The following ZCCHC17 variants were observed in gnomAD, a reference collection of about 807,000 sequenced individuals.
ZCCHC17 encodes zinc finger CCHC-type containing 17, also known as zinc finger CCHC domain-containing protein 17.
In ZCCHC17, 18 loss-of-function variants were observed where a neutral mutation model predicts 30.6. The observed-to-expected ratio is 0.59, with a 90% CI of 0.41 to 0.87. The LOEUF (loss-of-function observed/expected upper bound fraction) is 0.87, where lower values mean the gene tolerates loss of function less well. Ranked by LOEUF, ZCCHC17 falls within the 40% of genes least tolerant of loss-of-function variation. The probability of loss-of-function intolerance (pLI) is 0.00; values close to 1 mark genes in which losing one functional copy is unlikely to be tolerated. For missense variants in ZCCHC17, 263 were observed against 284.2 expected (o/e 0.93, Z 0.54); for synonymous variants, 88 against 92.4 (o/e 0.95, Z 0.27).
intron 1 of ZCCHC17, among the ~76,000 whole-genome samples, chr1:31,301,616 C>A (rs534522880): frequency 1.3e-5 from 2 of 151,806 alleles, no homozygotes; most frequent in Non-Finnish European, 2.9e-5. Flanking sequence ...AGTGTAGTGT[C>A]GAGTGGTAGA....
chr1:31,313,367 T>C (rs1646653271), intron 2 of ZCCHC17, among the ~76,000 whole-genome samples: 1 of 152,186 alleles, frequency 6.6e-6, no homozygotes, highest in Non-Finnish European at 1.5e-5. Flanking sequence ...CCATCGCACC[T>C]GGCCTGAGCC....
chr1:31,332,555 A>C (rs1638634091), intron 3 of ZCCHC17, among the ~76,000 whole-genome samples: 1 of 152,104 alleles, frequency 6.6e-6, no homozygotes, highest in South Asian at 2.1e-4. Flanking sequence ...ATGCATGCTC[A>C]TCATAGAAAA....
chr1:31,359,410 A>G (rs1156950575), intron 7 of ZCCHC17, among the ~76,000 whole-genome samples: 3 of 152,126 alleles, frequency 2.0e-5, no homozygotes, highest in African/African-American at 2.4e-5. Flanking sequence ...AGTCCCAGCT[A>G]CTTGGGACTA....
At chr1:31,309,902 A>C (rs1646557194) in intron 1 of ZCCHC17, 142 bp from the exon 2 acceptor site, 1 of 442,020 alleles carries the variant, frequency 2.3e-6, no homozygotes, top group Non-Finnish European at 3.9e-6. Context: ...CCACAATTAG[A>C]ATAAACAAAA....
At chr1:31,328,077 G>A (rs1638429025) in intron 3 of ZCCHC17, among the ~76,000 whole-genome samples, 1 of 152,202 alleles carries the variant, frequency 6.6e-6, no homozygotes, top group South Asian at 2.1e-4. Flanking sequence ...TTCTGTGTGT[G>A]AAATTGTGAA....
chr1:31,346,568 AC>A, intron 5 of ZCCHC17, 71 bp from the exon 6 acceptor site: 1 of 1,473,486 alleles, frequency 6.8e-7, no homozygotes, highest in African/African-American at 1.4e-5. Context: ...AAACCAACAT[AC>A]AACCTTACCT....
intron 5 of ZCCHC17, among the ~76,000 whole-genome samples, chr1:31,341,579 G>C (rs1639049057): frequency 6.6e-6 from 1 of 152,182 alleles, no homozygotes; most frequent in African/African-American, 2.4e-5. Flanking sequence ...AGTAACTTTT[G>C]TTGTAAATTA....
In ZCCHC17 at chr1:31,314,442, G is replaced by GA. The variant is rs77025494; in HGVS notation, c.66+4293dup. On this transcript the variant is annotated intron_variant, in intron 2 of 7. Coordinates refer to ENST00000344147, the MANE Select transcript of ZCCHC17 (RefSeq NM_016505.4). ...AAAGAAGAGGAGTTACATTAAAATTGAAAAAAAAAAAAAAAGGTGTAAGCC... is the reference window on the plus strand; with the variant it reads ...AAAGAAGAGGAGTTACATTAAAATTGAAAAAAAAAAAAAAAAGGTGTAAGCC... Among the ~76,000 whole-genome samples the GA allele has an allele frequency of 5.0e-3, 534 of 107,814 alleles. 2 individuals carry two copies. The highest frequency in any genetic ancestry group is 0.01 in the African/African-American group (303 of 28,968). 70.7% of individuals were successfully genotyped at this position (107,814 alleles called of 152,430 possible).
At chr1:31,307,980 G>A (rs958434625) in intron 1 of ZCCHC17, among the ~76,000 whole-genome samples, 13 of 152,138 alleles carry the variant, frequency 8.5e-5, no homozygotes, top group African/African-American at 2.7e-4. Context: ...TCACTAATAC[G>A]TTTCAAGTGT....
intron 2 of ZCCHC17, among the ~76,000 whole-genome samples, chr1:31,313,755 G>A (rs1310338818): frequency 6.6e-6 from 1 of 152,104 alleles, no homozygotes; most frequent in Non-Finnish European, 1.5e-5. Context: ...CACTCATCAG[G>A]TGCTGCCCAA....
At chr1:31,363,930 T>C (rs974703987) in intron 7 of ZCCHC17, 102 bp from the exon 8 acceptor site, 5 of 1,481,190 alleles carry the variant, frequency 3.4e-6, no homozygotes, top group Non-Finnish European at 4.5e-6. Context: ...CCCAAAGTAC[T>C]AGGATTACAG....
chr1:31,346,865 G>T (rs1195837348), intron 6 of ZCCHC17, 125 bp downstream of exon 6: 1 of 1,522,640 alleles, frequency 6.6e-7, no homozygotes, highest in Admixed American at 2.0e-5. Flanking sequence ...GGCCTTTGCT[G>T]TTTTTTCCAC....
Position 31,319,145 on chromosome 1 carries a change from A to G in ZCCHC17, c.103A>G (p.Ile35Val). 1 of 1,610,216 alleles carries G rather than the reference A, an allele frequency of 6.2e-7. No homozygotes were observed. Among genetic ancestry groups the G allele is most frequent in the Non-Finnish European group, 8.5e-7 (1 of 1,177,152 alleles). The change falls in exon 3 of 8, where the codon ATC becomes GTC. Residue 35 changes from isoleucine (I) to valine (V), a missense_variant. Transcript: ENST00000344147. ...MVTDYGAFIK[I>V]PGCRKQGLVH... is the part of the protein sequence containing the mutation. ...GACAGACTATGGGGCCTTTATCAAA[A>G]TCCCAGGCTGTCGGAAGCAAGGTAG...
At chr1:31,344,595 C>A (rs1385193229) in intron 5 of ZCCHC17, among the ~76,000 whole-genome samples, 2 of 152,168 alleles carry the variant, frequency 1.3e-5, no homozygotes, top group Admixed American at 6.6e-5. Context: ...GGAGCCTAAA[C>A]TAGAATGATG....
At chr1:31,329,865 G>GT (rs1292508709) in intron 3 of ZCCHC17, among the ~76,000 whole-genome samples, 2 of 152,104 alleles carry the variant, frequency 1.3e-5, no homozygotes, top group African/African-American at 2.4e-5. Flanking sequence ...AGGGTCTTGA[G>GT]TTTTTTTGAC....
chr1:31,326,821 A>G (rs542642592), intron 3 of ZCCHC17, among the ~76,000 whole-genome samples: 12 of 152,284 alleles, frequency 7.9e-5, no homozygotes, highest in African/African-American at 2.9e-4. Flanking sequence ...GGTTTATTGG[A>G]TAACTTGAGC....
intron 2 of ZCCHC17, among the ~76,000 whole-genome samples, chr1:31,313,613 C>T (rs1157007214): frequency 6.6e-6 from 1 of 152,198 alleles, no homozygotes; most frequent in East Asian, 1.9e-4. Flanking sequence ...TAGCAAACAG[C>T]TCTGCTCTTT....
intron 2 of ZCCHC17, among the ~76,000 whole-genome samples, chr1:31,317,324 C>T (rs1398469509): frequency 6.6e-6 from 1 of 152,146 alleles, no homozygotes; most frequent in African/African-American, 2.4e-5. Flanking sequence ...CGTGCCTGGC[C>T]TCCCTAACTC....
Position 31,346,693 on chromosome 1 carries a change from C to T in ZCCHC17, c.371C>T (p.Thr124Ile). 1.2e-6 allele frequency: 2 copies of T among 1,614,104 alleles called. No individual in the cohort carries two copies. The highest frequency in any genetic ancestry group is 1.7e-6 in the Non-Finnish European group (2 of 1,180,026). Residue 124 changes from threonine (T) to isoleucine (I), a missense_variant, in exon 6 of 8, where the codon ACC becomes ATC. By Grantham distance (89) the Thr-to-Ile change is moderately conservative. Coordinates refer to ENST00000344147, the MANE Select transcript of ZCCHC17 (RefSeq NM_016505.4). Reference sequence around the variant, plus strand: ...CAGGATTACACTGGGCAGAAGATCACCCTTGAGGCTGTCTTGAACACTACC... The same window carrying T: ...CAGGATTACACTGGGCAGAAGATCATCCTTGAGGCTGTCTTGAACACTACC... ...SFQDYTGQKI[T>I]LEAVLNTTCK...
Sources: gnomAD v4.1 joint callset for allele counts (sites outside exome capture counted in the v4.1 genomes callset) on GRCh38, gnomAD v4.1.1 for gene constraint, MANE v1.5 for transcripts, NCBI Gene and HGNC (gene_info 2026-07-23, HGNC 2026-07-21) for gene names.